Variants in EBF3 observed in about 807,000 individuals in gnomAD.
EBF3 encodes transcription factor COE3.
Under a neutral mutation model 77.1 loss-of-function variants are expected in EBF3, and 18 were observed. The observed-to-expected ratio is 0.23, with a 90% CI of 0.16 to 0.35. EBF3 has a LOEUF of 0.35. EBF3 is among the 10% of genes least tolerant of loss of function. EBF3 has a pLI of 1.00. For synonymous variants in EBF3, 350 were observed against 343.5 expected (o/e 1.02, Z -0.21); for missense variants, 558 against 860.0 (o/e 0.65, Z 4.39).
intron 10 of EBF3, among the ~76,000 whole-genome samples, chr10:129,860,223 A>G (rs1851521737): frequency 6.6e-6 from 1 of 151,872 alleles, no homozygotes; most frequent in Non-Finnish European, 1.5e-5. Context: ...AAAAGTCCGG[A>G]GTGTGATCCC....
At chr10:129,929,847 C>A (rs767368432) in intron 6 of EBF3, among the ~76,000 whole-genome samples, 5 of 152,200 alleles carry the variant, frequency 3.3e-5, no homozygotes, top group Non-Finnish European at 7.3e-5. Context: ...GTCAACATGA[C>A]TAGATTAAGG....
intron 7 of EBF3, among the ~76,000 whole-genome samples, chr10:129,877,506 T>G: frequency 6.9e-6 from 1 of 144,510 alleles, no homozygotes. Context: ...AAAAAAAGCT[T>G]CCACATGGCC....
intron 6 of EBF3, among the ~76,000 whole-genome samples, chr10:129,907,656 G>A (rs146810343): frequency 2.2e-3 from 339 of 152,142 alleles, no homozygotes; most frequent in African/African-American, 7.5e-3. Context: ...AAATAACAGC[G>A]AAACATGTTA....
chr10:129,854,061 C>G (rs991310940), intron 10 of EBF3, among the ~76,000 whole-genome samples: 6 of 146,596 alleles, frequency 4.1e-5, no homozygotes, highest in African/African-American at 1.5e-4. Flanking sequence ...ATATTTAGCT[C>G]CCCCCTGAAT....
rs1263003712 is a variant in EBF3 at position 129,863,875 on chromosome 10, G to T, written c.1039+3266C>A. Among the ~76,000 whole-genome samples, 2 of 152,102 alleles carry T rather than the reference G, an allele frequency of 1.3e-5. No homozygotes were observed. The highest frequency in any genetic ancestry group is 2.9e-5 in the Non-Finnish European group (2 of 68,008). The stretch of plus-strand genomic sequence containing the variant: ...AATGGATATTCCTGTTAATGACTGG[G>T]GTGTGGGGGAGCCAATAGGTTAACC... On this transcript the variant is annotated intron_variant, in intron 10 of 16. Coordinates refer to ENST00000440978, the MANE Select transcript of EBF3 (RefSeq NM_001375380.1). The surrounding 1 kb of genome is among the most constrained non-coding windows in gnomAD (Gnocchi z 4.0).
rs1246570371 is a variant in EBF3, at chr10:129,870,469, T to C, written c.782-2557A>G. 1.3e-5 allele frequency among the ~76,000 whole-genome samples: 2 copies of C among 152,108 alleles called. No individual in the cohort carries two copies. Among genetic ancestry groups the C allele is most frequent in the East Asian group, 1.9e-4 (1 of 5,148 alleles). ...GCATCCCTGAAGACAGATCCTGGTC[T>C]GCAGCTTTCAGCGTGGCCCACCCTC... is the stretch of plus-strand genomic sequence containing the variant. On this transcript the variant is annotated intron_variant, in intron 8 of 16. Transcript: ENST00000440978. This position sits in a 1 kb window ranked among gnomAD's most constrained non-coding sequence, Gnocchi z 4.4.
chr10:129,880,370 CCCACA>C (rs1439573105), intron 6 of EBF3, among the ~76,000 whole-genome samples: 1 of 151,914 alleles, frequency 6.6e-6, no homozygotes, highest in East Asian at 1.9e-4. Flanking sequence ...TGCCCACATG[CCCACA>C]CTTGCATACA....
In EBF3 at chr10:129,875,412, G is replaced by A. The variant is rs562660826; in HGVS notation, c.637-1816C>T. Among the ~76,000 whole-genome samples the A allele has an allele frequency of 4.2e-4, 64 of 152,178 alleles. 1 individual carries two copies. The highest frequency in any genetic ancestry group is 3.4e-3 in the Middle Eastern group (1 of 294). ...GGGGTTTCATCATGTTGGCCAGGCT[G>A]GTCTCAAACTCCTGACCTTGTGATC... On this transcript the variant is annotated intron_variant, in intron 7 of 16. Coordinates refer to ENST00000440978, the MANE Select transcript of EBF3 (RefSeq NM_001375380.1).
chr10:129,876,885 A>ACCCCCCCACCC (rs1852812602), intron 7 of EBF3, among the ~76,000 whole-genome samples: 1 of 42,368 alleles, frequency 2.4e-5, no homozygotes, highest in Non-Finnish European at 4.4e-5. Flanking sequence ...TCATCCCTGA[A>ACCCCCCCACCC]CCCCCCCCCC....
rs1859635634 is a variant in EBF3, at chr10:129,962,898, G to T, written c.355+44C>A. 3 of 1,610,782 alleles carry T rather than the reference G, an allele frequency of 1.9e-6. No individual in the cohort carries two copies. In the African/African-American group the frequency reaches 4.0e-5, roughly 21 times the overall value. On this transcript the variant is annotated intron_variant, in intron 3 of 16. Transcript: ENST00000440978. ...GTCCTTTCACCAGCGCAGAAAAGGA[G>T]AGCCAGCCGCTGCAGGGGCGGCGAG...
In EBF3 at chr10:129,836,510, A is replaced by G. The variant is rs1244999822; in HGVS notation, c.*1433T>C. The G allele has an allele frequency of 6.6e-6, 1 of 152,648 alleles. No individual in the cohort carries two copies. The highest frequency in any genetic ancestry group is 1.5e-5 in the Non-Finnish European group (1 of 68,046). The allele number at this position is 152,648 out of a possible 1,614,324, so 9.5% of individuals were successfully genotyped here. ...CGGGTGGCACCGATTTGTTTTGACT[A>G]TACAACAAACTTTTTTTTCAAAAGT... is the stretch of plus-strand genomic sequence containing the variant. On this transcript the variant is annotated 3_prime_UTR_variant, in exon 17 of 17. Coordinates refer to ENST00000440978, the MANE Select transcript of EBF3 (RefSeq NM_001375380.1).
chr10:129,942,762 A>G (rs1260438349), intron 6 of EBF3, among the ~76,000 whole-genome samples: 1 of 152,180 alleles, frequency 6.6e-6, no homozygotes, highest in Non-Finnish European at 1.5e-5. Context: ...TCTTACTTTT[A>G]AATGAAATCA....
intron 10 of EBF3, among the ~76,000 whole-genome samples, chr10:129,850,720 G>A (rs563520461): frequency 2.0e-5 from 3 of 152,154 alleles, no homozygotes; most frequent in Non-Finnish European, 4.4e-5. Flanking sequence ...GTTCTGGGAG[G>A]CTTCTGATCA....
intron 7 of EBF3, among the ~76,000 whole-genome samples, chr10:129,875,961 G>A (rs1852744373): frequency 6.6e-6 from 1 of 152,228 alleles, no homozygotes; most frequent in Admixed American, 6.5e-5. Context: ...CTAACACTGA[G>A]GTGCAGACTT....
rs910374411 is a variant in EBF3, at chr10:129,947,100, C to T, written c.554+10158G>A. On this transcript the variant is annotated intron_variant, in intron 6 of 16. Coordinates refer to ENST00000440978, the MANE Select transcript of EBF3 (RefSeq NM_001375380.1). This position sits in a 1 kb window ranked among gnomAD's most constrained non-coding sequence, Gnocchi z 4.5. Reference sequence around the variant, plus strand: ...ACTTGTTTCCTGACCCAATCTTCCTCGTGTCAGGGGACGAGCCGCTTCATT... The same window carrying T: ...ACTTGTTTCCTGACCCAATCTTCCTTGTGTCAGGGGACGAGCCGCTTCATT... Among the ~76,000 whole-genome samples the T allele has an allele frequency of 8.5e-5, 13 of 152,162 alleles. No individual in the cohort carries two copies. The highest frequency in any genetic ancestry group is 1.9e-4 in the Non-Finnish European group (13 of 68,046).
chr10:129,941,420 G>A (rs1256287316), intron 6 of EBF3, among the ~76,000 whole-genome samples: 3 of 152,222 alleles, frequency 2.0e-5, no homozygotes, highest in African/African-American at 7.2e-5. Flanking sequence ...ACGCCTGGAG[G>A]TGGCCCAGCA....
chr10:129,948,156 A>G (rs898819693), intron 6 of EBF3, among the ~76,000 whole-genome samples: 3 of 151,582 alleles, frequency 2.0e-5, no homozygotes, highest in Non-Finnish European at 4.4e-5. Context: ...TACTTGGGAA[A>G]CTGAGGCAGA....
At chr10:129,881,419 T>C (rs1225772778) in intron 6 of EBF3, among the ~76,000 whole-genome samples, 2 of 152,160 alleles carry the variant, frequency 1.3e-5, no homozygotes, top group East Asian at 1.9e-4. Context: ...AAATATGGGC[T>C]TTATTTACTT....
chr10:129,958,529 G>A (rs970205785), intron 5 of EBF3, among the ~76,000 whole-genome samples: 2 of 152,176 alleles, frequency 1.3e-5, no homozygotes, highest in African/African-American at 4.8e-5. Context: ...GCGCGCTATA[G>A]TAAGTACAAA....
Sources: gnomAD v4.1 joint callset for allele counts (sites outside exome capture counted in the v4.1 genomes callset) on GRCh38, gnomAD v4.1.1 for gene constraint, Gnocchi (gnomAD v3.1) non-coding constraint, MANE v1.5 for transcripts, NCBI Gene and HGNC (gene_info 2026-07-23, HGNC 2026-07-21) for gene names.